Variants in TGM6 observed in about 807,000 individuals in gnomAD.
TGM6 encodes the protein transglutaminase 6, also known as protein-glutamine gamma-glutamyltransferase 6.
Under a neutral mutation model 77.5 loss-of-function variants are expected in TGM6, and 74 were observed. That is an observed-to-expected ratio of 0.96 (90% CI 0.79 to 1.16). The LOEUF is 1.16. TGM6 is among the 50% of genes most tolerant of loss of function. The pLI, the probability that TGM6 is intolerant of heterozygous loss-of-function variation, is 0.00. For missense variants in TGM6, 968 were observed against 940.2 expected, an observed-to-expected ratio of 1.03 and a Z score of -0.39; for synonymous variants, 383 against 378.9, an observed-to-expected ratio of 1.01 and a Z score of -0.12.
intron 10 of TGM6, among the ~76,000 whole-genome samples, 190 bp downstream of exon 10, chr20:2,417,763 AAACACTAAT>A (rs1473209815): frequency 4.6e-5 from 7 of 152,316 alleles, no homozygotes; most frequent in Admixed American, 4.6e-4. Context: ...CGGAGGGGCA[AAACACTAAT>A]AACAGTAATG....
chr20:2,430,380 C>T (rs2084916092), intron 10 of TGM6, 66 bp from the exon 11 acceptor site: 2 of 1,598,460 alleles, frequency 1.3e-6, no homozygotes, highest in Non-Finnish European at 1.7e-6. Flanking sequence ...GCATTCCCTT[C>T]CTTCTTCCCA....
intron 10 of TGM6, among the ~76,000 whole-genome samples, chr20:2,418,245 C>T (rs991347866): frequency 2.6e-5 from 4 of 152,126 alleles, no homozygotes; most frequent in Non-Finnish European, 5.9e-5. Flanking sequence ...GTGATCTGCC[C>T]GCCTTGGCCT....
At chr20:2,428,256 C>G (rs115213833) in intron 10 of TGM6, among the ~76,000 whole-genome samples, 2 of 152,276 alleles carry the variant, frequency 1.3e-5, no homozygotes, top group Admixed American at 6.5e-5. Flanking sequence ...AGCTGAGTGA[C>G]GGTGCTATTG....
chr20:2,422,416 C>T (rs1296100571), intron 10 of TGM6, among the ~76,000 whole-genome samples: 1 of 152,096 alleles, frequency 6.6e-6, no homozygotes, highest in East Asian at 1.9e-4. Flanking sequence ...TCTTCTATTC[C>T]ATTGATCTAG....
At chr20:2,407,447 C>T (rs1211745471) in intron 9 of TGM6, among the ~76,000 whole-genome samples, 1 of 152,114 alleles carries the variant, frequency 6.6e-6, no homozygotes, top group Non-Finnish European at 1.5e-5. Flanking sequence ...GGCGAAACCC[C>T]ATTTCTACTA....
At chr20:2,408,393 G>A (rs1424007560) in intron 9 of TGM6, among the ~76,000 whole-genome samples, 1 of 152,154 alleles carries the variant, frequency 6.6e-6, no homozygotes, top group Non-Finnish European at 1.5e-5. Context: ...CTGGCCAGGG[G>A]TCTCAGCACC....
At chr20:2,381,157 A>G (rs1254081716) in intron 1 of TGM6, among the ~76,000 whole-genome samples, 182 bp downstream of exon 1, 1 of 152,116 alleles carries the variant, frequency 6.6e-6, no homozygotes, top group African/African-American at 2.4e-5. Flanking sequence ...AGCCAGCTTT[A>G]AGCCACCCAG....
At chr20:2,416,648 T>C (rs900344665) in intron 9 of TGM6, among the ~76,000 whole-genome samples, 7 of 152,240 alleles carry the variant, frequency 4.6e-5, no homozygotes, top group Non-Finnish European at 1.5e-5. Context: ...GCATGTCTTA[T>C]AGAGAAGTGC....
chr20:2,426,796 T>G lies in TGM6; in HGVS notation c.1679-3650T>G, dbSNP rs555680940. ...ATCATGTTATTTTTTCCTGTTGATT[T>G]GATGGACTATATTAATTGACCTTTA... On this transcript the variant is annotated intron_variant, in intron 10 of 12. Coordinates refer to ENST00000202625, the MANE Select transcript of TGM6 (RefSeq NM_198994.3). Among the ~76,000 whole-genome samples, 17 of 152,310 alleles carry G rather than the reference T, an allele frequency of 1.1e-4. 1 individual carries two copies. The South Asian group carries it at 3.3e-3, about 30-fold the overall frequency.
intron 3 of TGM6, among the ~76,000 whole-genome samples, chr20:2,396,112 G>A (rs992729166): frequency 1.3e-5 from 2 of 151,336 alleles, no homozygotes; most frequent in Non-Finnish European, 2.9e-5. Context: ...CCCAGGAGGT[G>A]GAGGTTGCAG....
At position 2,432,729 on chromosome 20, in the gene TGM6, G is replaced by C. The variant is rs1418194812; in HGVS notation, c.*86G>C. The C allele has an allele frequency of 1.9e-6, 3 of 1,591,870 alleles. No homozygotes were observed. Among genetic ancestry groups the C allele is most frequent in the East Asian group, 2.2e-5 (1 of 44,740 alleles). ...GTCTCTTCCACATGGGAGCCAGGAGGCCTCAGTTAATCCTGCCTCAACCTC... is the reference window on the plus strand; with the variant it reads ...GTCTCTTCCACATGGGAGCCAGGAGCCCTCAGTTAATCCTGCCTCAACCTC... On this transcript the variant is annotated 3_prime_UTR_variant, in exon 13 of 13. Coordinates refer to ENST00000202625, the MANE Select transcript of TGM6 (RefSeq NM_198994.3).
chr20:2,423,071 T>G (rs2084867233), intron 10 of TGM6, among the ~76,000 whole-genome samples: 1 of 150,912 alleles, frequency 6.6e-6, no homozygotes, highest in South Asian at 2.2e-4. Context: ...TGGCAGGGTT[T>G]GACAGGATTG....
At chr20:2,394,063 G>A (rs2122344019) in intron 1 of TGM6, among the ~76,000 whole-genome samples, 1 of 152,188 alleles carries the variant, frequency 6.6e-6, no homozygotes, top group East Asian at 1.9e-4. Context: ...GCCAAGGCAG[G>A]CAGATCACCT....
chr20:2,427,010 A>G lies in TGM6; in HGVS notation c.1679-3436A>G, dbSNP rs893514197. Among the ~76,000 whole-genome samples, 11 of 152,164 alleles carry G rather than the reference A, an allele frequency of 7.2e-5. No homozygotes were observed. The East Asian group carries it at 1.3e-3, about 19-fold the overall frequency. ...TTGGCATTAAGGTAATGCTGGCCTCATAGAATGAATCAGGAAGTATTTCTC... is the reference window on the plus strand; with the variant it reads ...TTGGCATTAAGGTAATGCTGGCCTCGTAGAATGAATCAGGAAGTATTTCTC... On this transcript the variant is annotated intron_variant, in intron 10 of 12. Coordinates refer to ENST00000202625, the MANE Select transcript of TGM6 (RefSeq NM_198994.3).
At chr20:2,388,508 A>C (rs947429821) in intron 1 of TGM6, among the ~76,000 whole-genome samples, 23 of 152,112 alleles carry the variant, frequency 1.5e-4, no homozygotes, top group African/African-American at 4.8e-4. Flanking sequence ...GCAGTGGCTT[A>C]TGCCTGTAAT....
At chr20:2,407,343 G>A (rs765670775) in intron 9 of TGM6, among the ~76,000 whole-genome samples, 1 of 152,190 alleles carries the variant, frequency 6.6e-6, no homozygotes, top group South Asian at 2.1e-4. Flanking sequence ...TATGAGCCAG[G>A]CATGGTGGCT....
intron 7 of TGM6, among the ~76,000 whole-genome samples, chr20:2,402,928 A>G (rs2084721271): frequency 6.6e-6 from 1 of 152,100 alleles, no homozygotes; most frequent in Non-Finnish European, 1.5e-5. Flanking sequence ...TTTCTAGAAT[A>G]TTGTTCCCTT....
At chr20:2,418,892 C>T (rs550654044) in intron 10 of TGM6, among the ~76,000 whole-genome samples, 9 of 152,048 alleles carry the variant, frequency 5.9e-5, no homozygotes, top group African/African-American at 2.2e-4. Context: ...CTGGCTAACA[C>T]AGTGAAACCC....
chr20:2,403,378 C>G lies in TGM6; in HGVS notation c.990-19C>G, dbSNP rs1199874832. ...TGCCCTCACTCTAGGCAGCTTCACC[C>G]ATCCTCTCTCTGTGGCAGGAATTTC... On this transcript the variant is annotated intron_variant, in intron 7 of 12. Coordinates refer to ENST00000202625, the MANE Select transcript of TGM6 (RefSeq NM_198994.3). 1 of 1,613,868 alleles carries G rather than the reference C, an allele frequency of 6.2e-7. No homozygotes were observed. The highest frequency in any genetic ancestry group is 1.7e-5 in the Admixed American group (1 of 59,980).
Sources: gnomAD v4.1 joint callset for allele counts (sites outside exome capture counted in the v4.1 genomes callset) on GRCh38, gnomAD v4.1.1 for gene constraint, MANE v1.5 for transcripts, NCBI Gene and HGNC (gene_info 2026-07-23, HGNC 2026-07-21) for gene names.